GMPS: variants seen among roughly 807,000 people sequenced by gnomAD.
GMPS encodes the protein GMP synthase [glutamine-hydrolyzing].
Under a neutral mutation model 77.9 loss-of-function variants are expected in GMPS, and 15 were observed. The ratio of observed to expected loss-of-function variants is 0.19; its 90% CI spans 0.13 to 0.30. The LOEUF is 0.30. GMPS is among the 10% of genes least tolerant of loss of function. GMPS has a pLI of 1.00. For missense variants in GMPS, 590 were observed against 838.8 expected (o/e 0.70, Z 3.66); for synonymous variants, 224 against 275.9 (o/e 0.81, Z 1.86).
chr3:155,870,525 C>A (rs777607332), upstream of GMPS: 193 of 243,170 alleles, frequency 7.9e-4, no homozygotes, highest in Non-Finnish European at 1.2e-3. Flanking sequence ...GCGCCGCGAG[C>A]CCCTCCTCTC....
intron 3 of GMPS, among the ~76,000 whole-genome samples, chr3:155,903,127 T>C (rs929779190): frequency 9.2e-5 from 14 of 152,230 alleles, no homozygotes; most frequent in African/African-American, 3.1e-4. Flanking sequence ...CTGATATCTG[T>C]TGTGGAACAG....
chr3:155,933,109 G>A (rs945068130), intron 13 of GMPS, among the ~76,000 whole-genome samples: 3 of 152,066 alleles, frequency 2.0e-5, no homozygotes, highest in African/African-American at 7.2e-5. Context: ...GAAGAATGGT[G>A]TGAACCCGGG....
At chr3:155,914,994 T>G (rs1755137662) in intron 8 of GMPS, among the ~76,000 whole-genome samples, 1 of 151,986 alleles carries the variant, frequency 6.6e-6, no homozygotes, top group Admixed American at 6.6e-5. Context: ...GGTCCGGATC[T>G]CCTGACCTCA....
chr3:155,893,825 T>C, intron 2 of GMPS, 126 bp downstream of exon 2: 1 of 565,222 alleles, frequency 1.8e-6, no homozygotes, highest in South Asian at 3.3e-5. Context: ...ATGAGAAATT[T>C]CCCATGGCTC....
At chr3:155,899,382 A>G (rs536637330) in intron 3 of GMPS, among the ~76,000 whole-genome samples, 2 of 151,688 alleles carry the variant, frequency 1.3e-5, no homozygotes, top group Non-Finnish European at 2.9e-5. Flanking sequence ...AAAAAAAAGT[A>G]AGAATAAGTA....
At chr3:155,923,736 C>G (rs560492383) in intron 11 of GMPS, among the ~76,000 whole-genome samples, 2 of 152,304 alleles carry the variant, frequency 1.3e-5, no homozygotes, top group South Asian at 4.1e-4. Flanking sequence ...GATTTTCAAC[C>G]CTGGCTGTAT....
At position 155,891,419 on chromosome 3, in the gene GMPS, C is replaced by A. The variant is rs891509833; in HGVS notation, c.28-2099C>A. ...ATGAAGGGGTGTGTGTATGTGTATA[C>A]ATTAATACTAAGGGTAAAGGTCTGA... On this transcript the variant is annotated intron_variant, in intron 1 of 15. Coordinates refer to ENST00000496455, the MANE Select transcript of GMPS (RefSeq NM_003875.3). 4.6e-5 allele frequency among the ~76,000 whole-genome samples: 7 copies of A among 152,126 alleles called. No homozygotes were observed. In the South Asian group the frequency reaches 8.3e-4, roughly 18 times the overall value.
chr3:155,893,745 G>A, intron 2 of GMPS, 46 bp downstream of exon 2: 1 of 1,033,286 alleles, frequency 9.7e-7, no homozygotes, highest in Non-Finnish European at 1.4e-6. Context: ...AACTTAGATT[G>A]TGGAATATTT....
chr3:155,905,061 G>A (rs904444726), intron 4 of GMPS, among the ~76,000 whole-genome samples: 8 of 151,266 alleles, frequency 5.3e-5, no homozygotes, highest in Admixed American at 2.6e-4. Context: ...TCTGTCGCAC[G>A]CCCAGGCTGG....
At chr3:155,930,598 C>T (rs1038714296) in intron 12 of GMPS, among the ~76,000 whole-genome samples, 6 of 152,168 alleles carry the variant, frequency 3.9e-5, no homozygotes, top group Non-Finnish European at 7.4e-5. Context: ...AGAAAATTTT[C>T]GCAACCTACT....
chr3:155,928,019 CTTTTTTTTTTTT>C (rs35962523), intron 12 of GMPS, among the ~76,000 whole-genome samples: 18 of 67,846 alleles, frequency 2.7e-4, no homozygotes, highest in African/African-American at 9.6e-4. Flanking sequence ...GCATTTTACA[CTTTTTTTTTTTT>C]TTTTTTTTTT....
At chr3:155,888,316 A>C (rs1031444660) in intron 1 of GMPS, among the ~76,000 whole-genome samples, 1 of 150,738 alleles carries the variant, frequency 6.6e-6, no homozygotes. Flanking sequence ...GCCTTGTGTA[A>C]TTTTAAAAGT....
intron 1 of GMPS, among the ~76,000 whole-genome samples, chr3:155,871,382 C>G (rs1286589464): frequency 6.6e-6 from 1 of 152,158 alleles, no homozygotes; most frequent in Non-Finnish European, 1.5e-5. Context: ...GGAGCTGGGC[C>G]GGCCTCTGGT....
At chr3:155,915,455 G>A (rs1164998242) in intron 8 of GMPS, among the ~76,000 whole-genome samples, 1 of 151,872 alleles carries the variant, frequency 6.6e-6, no homozygotes, top group Non-Finnish European at 1.5e-5. Context: ...AGGCTGGAGT[G>A]TAGTGGTGCA....
At chr3:155,910,535 C>T (rs528836168) in intron 5 of GMPS, among the ~76,000 whole-genome samples, 157 bp from the exon 6 acceptor site, 1 of 146,294 alleles carries the variant, frequency 6.8e-6, no homozygotes, top group African/African-American at 2.6e-5. Context: ...TGCCACTGCA[C>T]TCCAGCCTGA....
At chr3:155,915,525 C>T (rs1462540976) in intron 8 of GMPS, among the ~76,000 whole-genome samples, 1 of 152,162 alleles carries the variant, frequency 6.6e-6, no homozygotes. Context: ...CCTCAACTTC[C>T]TGAGTAGCTG....
chr3:155,937,577 A>T lies in GMPS; in HGVS notation c.1981-14A>T. ...CAGTGGATGCTGACTTTTCTCTATA[A>T]TTTTTTTTAATAGGTGGTATTAAAG... On this transcript the variant is annotated splice_polypyrimidine_tract_variant and intron_variant, in intron 15 of 15. Coordinates refer to ENST00000496455, the MANE Select transcript of GMPS (RefSeq NM_003875.3). The T allele has an allele frequency of 5.2e-6, 6 of 1,143,116 alleles. No individual in the cohort carries two copies. Among genetic ancestry groups the T allele is most frequent in the South Asian group, 2.5e-5 (2 of 80,478 alleles). 70.8% of individuals were successfully genotyped at this position (1,143,116 alleles called of 1,614,324 possible).
intron 1 of GMPS, among the ~76,000 whole-genome samples, chr3:155,881,927 A>G: frequency 6.6e-6 from 1 of 152,114 alleles, no homozygotes; most frequent in East Asian, 1.9e-4. Context: ...TTAGCCAGGC[A>G]TGGTGGTGCA....
chr3:155,885,635 T>A (rs1754317975), intron 1 of GMPS, among the ~76,000 whole-genome samples: 1 of 152,250 alleles, frequency 6.6e-6, no homozygotes, highest in South Asian at 2.1e-4. Flanking sequence ...GAATTTTTTA[T>A]CAGAAGTATT....
Sources: allele counts gnomAD v4.1 joint callset (sites outside exome capture counted in the v4.1 genomes callset), GRCh38; gene constraint gnomAD v4.1.1; transcripts MANE v1.5; gene names NCBI Gene and HGNC (gene_info 2026-07-23, HGNC 2026-07-21).